Variants in KIF26B observed in about 807,000 individuals in gnomAD.
KIF26B encodes kinesin-like protein KIF26B.
A neutral mutation model predicts 151.2 loss-of-function variants in KIF26B; 63 were observed. The observed-to-expected ratio is 0.42, with a 90% CI of 0.34 to 0.51. The LOEUF is 0.51. Ranked by LOEUF, KIF26B falls within the 20% of genes least tolerant of loss-of-function variation. KIF26B has a pLI of 0.07. For synonymous variants in KIF26B, 1,357 were observed against 1,262.1 expected (o/e 1.08, Z -1.59); for missense variants, 2,813 against 2,913.6 (o/e 0.97, Z 0.79).
At chr1:245,395,593 G>A (rs538733901) in intron 3 of KIF26B, among the ~76,000 whole-genome samples, 1 of 152,234 alleles carries the variant, frequency 6.6e-6, no homozygotes, top group East Asian at 1.9e-4. Context: ...CAGGGTGGGA[G>A]GATTTACACT....
intron 2 of KIF26B, among the ~76,000 whole-genome samples, chr1:245,171,713 A>G (rs1298777006): frequency 6.6e-6 from 1 of 152,238 alleles, no homozygotes; most frequent in Non-Finnish European, 1.5e-5. Flanking sequence ...GGGAACCTAC[A>G]GGGTGTCCAG....
At position 245,670,782 on chromosome 1, in the gene KIF26B, A is replaced by G. The variant is rs532806366; in HGVS notation, c.2259-13451A>G. ...ATCCATGAGATGTTGGGATACAGACATGCAATGTGAAATAAGCACGTCATG... is the reference window on the plus strand; with the variant it reads ...ATCCATGAGATGTTGGGATACAGACGTGCAATGTGAAATAAGCACGTCATG... On this transcript the variant is annotated intron_variant, in intron 10 of 14. Transcript: ENST00000407071. 1.8e-4 allele frequency among the ~76,000 whole-genome samples: 27 copies of G among 152,348 alleles called. 1 individual carries two copies. The South Asian group carries it at 3.9e-3, about 22-fold the overall frequency.
At position 245,495,443 on chromosome 1, in the gene KIF26B, TAATCAGC is replaced by T. The variant is rs1230545344; in HGVS notation, c.1167-45322_1167-45316del. ...ACAATGTGTACTGATCAAATCATGG[TAATCAGC>T]ATATCTATCAACTCAAACATTTATC... On this transcript the variant is annotated intron_variant, in intron 4 of 14. Coordinates refer to ENST00000407071, the MANE Select transcript of KIF26B (RefSeq NM_018012.4). This position sits in a 1 kb window ranked among gnomAD's most constrained non-coding sequence, Gnocchi z 4.2. Among the ~76,000 whole-genome samples the T allele has an allele frequency of 6.6e-6, 1 of 152,248 alleles. No homozygotes were observed. Among genetic ancestry groups the T allele is most frequent in the African/African-American group, 2.4e-5 (1 of 41,470 alleles).
chr1:245,685,502 ACC>A lies in KIF26B; in HGVS notation c.2521_2522del (p.Pro841Ter), dbSNP rs765511548. The stretch of plus-strand genomic sequence containing the variant: ...CCCTTCCACACCAGGGCCACGGTGG[ACC>A]CTGACTTCCCCATCGCTCACCTGTC... On this transcript the variant is annotated frameshift_variant, in exon 12 of 15. Transcript: ENST00000407071. LOFTEE classifies it high-confidence loss of function. 1 of 1,613,604 alleles carries A rather than the reference ACC, an allele frequency of 6.2e-7. No individual in the cohort carries two copies. The highest frequency in any genetic ancestry group is 1.6e-4 in the Middle Eastern group (1 of 6,062).
intron 10 of KIF26B, among the ~76,000 whole-genome samples, chr1:245,673,349 C>G (rs12035250): frequency 3.5e-5 from 3 of 86,458 alleles, no homozygotes; most frequent in African/African-American, 5.7e-5. Context: ...GTCCCCGCTG[C>G]GCGCTGCCAT....
At chr1:245,202,562 C>A (rs528392753) in intron 2 of KIF26B, among the ~76,000 whole-genome samples, 1 of 151,998 alleles carries the variant, frequency 6.6e-6, no homozygotes, top group Admixed American at 6.6e-5. Flanking sequence ...AGTTCGAGAC[C>A]AACCTGGCCA....
At chr1:245,212,737 G>A (rs573164065) in intron 2 of KIF26B, among the ~76,000 whole-genome samples, 15 of 152,226 alleles carry the variant, frequency 9.9e-5, no homozygotes, top group Non-Finnish European at 2.1e-4. Context: ...GTCGGGCCCC[G>A]AGTCAGCCGT....
At chr1:245,164,773 C>T (rs773330043) in intron 2 of KIF26B, among the ~76,000 whole-genome samples, 43 of 152,192 alleles carry the variant, frequency 2.8e-4, no homozygotes, top group Non-Finnish European at 5.7e-4. Context: ...ATCAGATATG[C>T]ATTTAAGAAA....
intron 2 of KIF26B, among the ~76,000 whole-genome samples, chr1:245,261,989 G>A (rs1345165592): frequency 6.6e-6 from 1 of 152,168 alleles, no homozygotes; most frequent in Non-Finnish European, 1.5e-5. Context: ...ACAGCAGTTT[G>A]CCTCATGCTC....
intron 4 of KIF26B, among the ~76,000 whole-genome samples, chr1:245,455,729 G>T (rs772028392): frequency 2.6e-5 from 4 of 152,138 alleles, no homozygotes; most frequent in Non-Finnish European, 4.4e-5. Context: ...GCTGACCCTT[G>T]CCCTGAGCAA....
chr1:245,388,681 C>T (rs907558350), intron 3 of KIF26B, among the ~76,000 whole-genome samples: 1 of 122,232 alleles, frequency 8.2e-6, no homozygotes, highest in African/African-American at 2.9e-5. Flanking sequence ...AAAGGGCTAA[C>T]AGCCCTTCTC....
chr1:245,615,821 C>A (rs907979056), intron 9 of KIF26B, among the ~76,000 whole-genome samples: 1 of 152,298 alleles, frequency 6.6e-6, no homozygotes, highest in East Asian at 1.9e-4. Context: ...ACGGCCTCCC[C>A]GCCTGGGACT....
chr1:245,554,766 C>G (rs1661979934), intron 5 of KIF26B, among the ~76,000 whole-genome samples: 1 of 152,208 alleles, frequency 6.6e-6, no homozygotes, highest in African/African-American at 2.4e-5. Context: ...GGGAAGGCTG[C>G]ACCTGTGTTT....
intron 2 of KIF26B, among the ~76,000 whole-genome samples, chr1:245,308,145 C>A (rs1671594056): frequency 6.6e-6 from 1 of 152,134 alleles, no homozygotes. Context: ...AGAGTTTAAA[C>A]CGGCCTCTGG....
At chr1:245,471,799 T>C (rs1659921468) in intron 4 of KIF26B, among the ~76,000 whole-genome samples, 1 of 152,030 alleles carries the variant, frequency 6.6e-6, no homozygotes, top group Non-Finnish European at 1.5e-5. Context: ...TCTTACTTTT[T>C]TTTTTTTTTG....
chr1:245,200,944 G>A (rs937988230), intron 2 of KIF26B, among the ~76,000 whole-genome samples: 4 of 152,174 alleles, frequency 2.6e-5, no homozygotes, highest in Non-Finnish European at 5.9e-5. Flanking sequence ...CTTTATTCTT[G>A]TTTTGTAGAA....
At chr1:245,509,504 C>A (rs892055359) in intron 4 of KIF26B, among the ~76,000 whole-genome samples, 3 of 152,208 alleles carry the variant, frequency 2.0e-5, no homozygotes, top group Non-Finnish European at 4.4e-5. Flanking sequence ...TCCTATCCTC[C>A]ATAAATGTTG....
intron 9 of KIF26B, among the ~76,000 whole-genome samples, chr1:245,615,667 G>A (rs1320187840): frequency 6.6e-6 from 1 of 152,180 alleles, no homozygotes; most frequent in Non-Finnish European, 1.5e-5. Context: ...TACCACGAAT[G>A]GTTTCCAAAA....
intron 2 of KIF26B, among the ~76,000 whole-genome samples, chr1:245,267,195 C>T (rs552409265): frequency 6.6e-6 from 1 of 152,350 alleles, no homozygotes; most frequent in East Asian, 1.9e-4. Context: ...ATTCCTTGCT[C>T]ACTGCTTTTA....
Sources: allele counts gnomAD v4.1 joint callset (sites outside exome capture counted in the v4.1 genomes callset), GRCh38; gene constraint gnomAD v4.1.1; non-coding constraint Gnocchi (gnomAD v3.1); transcripts MANE v1.5; gene names NCBI Gene and HGNC (gene_info 2026-07-23, HGNC 2026-07-21).